Variants in ARHGAP22 observed in about 807,000 individuals in gnomAD.
ARHGAP22 encodes rho GTPase-activating protein 22.
Under a neutral mutation model 59.1 loss-of-function variants are expected in ARHGAP22, and 48 were observed. The observed-to-expected ratio is 0.81, with a 90% CI of 0.64 to 1.03. The LOEUF (loss-of-function observed/expected upper bound fraction) is 1.03. Among genes scored for constraint, ARHGAP22 ranks in the 50% least tolerant of loss-of-function variants. ARHGAP22 has a pLI of 0.00. For missense variants in ARHGAP22, 1,015 were observed against 958.7 expected (o/e 1.06, Z -0.78); for synonymous variants, 445 against 416.4 (o/e 1.07, Z -0.84).
intron 8 of ARHGAP22, 48 bp from the exon 9 acceptor site, chr10:48,451,188 C>G (rs1286926712): frequency 1.3e-6 from 2 of 1,549,840 alleles, no homozygotes; most frequent in South Asian, 2.4e-5. Context: ...GCCACTCGGC[C>G]CAGGCTCGCT....
chr10:48,455,156 G>A, intron 5 of ARHGAP22, 22 bp from the exon 6 acceptor site: 1 of 1,588,580 alleles, frequency 6.3e-7, no homozygotes, highest in Non-Finnish European at 8.6e-7. Context: ...AAGAGGACAG[G>A]TGTGTGAGGC....
chr10:48,469,884 C>T (rs1305880046), intron 4 of ARHGAP22, among the ~76,000 whole-genome samples: 2 of 152,234 alleles, frequency 1.3e-5, no homozygotes, highest in Admixed American at 6.5e-5. Flanking sequence ...CTACAGCAGG[C>T]AGCCAGCACC....
intron 3 of ARHGAP22, among the ~76,000 whole-genome samples, chr10:48,501,184 T>C (rs552445592): frequency 2.6e-5 from 4 of 152,246 alleles, no homozygotes; most frequent in Admixed American, 6.5e-5. Context: ...TGTTTGAATA[T>C]GTACAAAGTA....
intron 2 of ARHGAP22, among the ~76,000 whole-genome samples, chr10:48,561,628 C>T (rs2057692476): frequency 6.6e-6 from 1 of 152,026 alleles, no homozygotes. Context: ...AAAATACCAT[C>T]AAAATTCTAT....
intron 1 of ARHGAP22, among the ~76,000 whole-genome samples, chr10:48,643,860 A>T (rs1244717478): frequency 1.3e-5 from 2 of 152,146 alleles, no homozygotes; most frequent in African/African-American, 4.8e-5. Context: ...GAAAAGAAAC[A>T]TTCTGGGCCA....
intron 1 of ARHGAP22, among the ~76,000 whole-genome samples, chr10:48,612,750 A>C (rs1237597016): frequency 2.6e-5 from 4 of 152,152 alleles, no homozygotes; most frequent in African/African-American, 9.7e-5. Flanking sequence ...ATTCTAACTG[A>C]TGCCCACATT....
At chr10:48,550,351 T>G (rs1012659067) in intron 3 of ARHGAP22, among the ~76,000 whole-genome samples, 2 of 152,246 alleles carry the variant, frequency 1.3e-5, no homozygotes, top group Non-Finnish European at 2.9e-5. Context: ...GTGTCTTTCT[T>G]ACTCCAAGGT....
intron 1 of ARHGAP22, among the ~76,000 whole-genome samples, chr10:48,619,311 A>G (rs944432930): frequency 6.6e-6 from 1 of 152,156 alleles, no homozygotes; most frequent in Non-Finnish European, 1.5e-5. Context: ...GTAAAATACC[A>G]ATGACATTCT....
intron 1 of ARHGAP22, among the ~76,000 whole-genome samples, chr10:48,636,560 A>G (rs1018999157): frequency 1.3e-5 from 2 of 152,126 alleles, no homozygotes; most frequent in African/African-American, 4.8e-5. Flanking sequence ...TGCTCCTTGT[A>G]CCACCTGCAC....
chr10:48,555,610 C>T (rs1043143799), intron 2 of ARHGAP22, 60 bp from the exon 3 acceptor site: 14 of 1,544,660 alleles, frequency 9.1e-6, no homozygotes, highest in Admixed American at 5.0e-5. Context: ...GGACTGCTGT[C>T]GTCAGGGTCC....
intron 1 of ARHGAP22, among the ~76,000 whole-genome samples, chr10:48,626,951 G>C (rs2061470918): frequency 6.6e-6 from 1 of 152,206 alleles, no homozygotes; most frequent in Non-Finnish European, 1.5e-5. Flanking sequence ...AGGAAGGAGA[G>C]AGGAACTGGA....
intron 3 of ARHGAP22, among the ~76,000 whole-genome samples, chr10:48,533,272 CT>C (rs2055038780): frequency 1.4e-5 from 2 of 143,666 alleles, no homozygotes; most frequent in Non-Finnish European, 3.1e-5. Flanking sequence ...ACATCTTTTT[CT>C]AGAGAAAAAG....
chr10:48,556,086 G>A (rs7085335), intron 2 of ARHGAP22, among the ~76,000 whole-genome samples: 23,271 of 152,168 alleles, frequency 0.15, 1,879 homozygotes, highest in Admixed American at 0.23. Context: ...TGGGGTGCAT[G>A]TGTATGCATG....
intron 4 of ARHGAP22, among the ~76,000 whole-genome samples, chr10:48,471,025 C>T (rs1225441552): frequency 2.6e-5 from 4 of 152,220 alleles, no homozygotes; most frequent in African/African-American, 4.8e-5. Context: ...GGTTGCATTT[C>T]ATCCCACCAG....
At chr10:48,588,898 C>G (rs2059589641) in intron 1 of ARHGAP22, among the ~76,000 whole-genome samples, 1 of 152,130 alleles carries the variant, frequency 6.6e-6, no homozygotes, top group Admixed American at 6.5e-5. Context: ...GTCCCTCCAC[C>G]CCGTGGAGGG....
intron 1 of ARHGAP22, among the ~76,000 whole-genome samples, chr10:48,614,257 A>G (rs532591847): frequency 6.6e-6 from 1 of 152,390 alleles, no homozygotes; most frequent in African/African-American, 2.4e-5. Context: ...TCACTCTGTC[A>G]AATGCTGATG....
intron 3 of ARHGAP22, among the ~76,000 whole-genome samples, chr10:48,543,897 C>T (rs551940642): frequency 7.8e-4 from 118 of 152,040 alleles, no homozygotes; most frequent in Admixed American, 2.0e-3. Flanking sequence ...CAAGGTGGGC[C>T]GATTGCCTGA....
At chr10:48,440,704 A>T in the ARHGAP22 span, among the ~76,000 whole-genome samples, 1 of 152,164 alleles carries the variant, frequency 6.6e-6, no homozygotes, top group Non-Finnish European at 1.5e-5. Context: ...AAATATCAAG[A>T]ATTGCCTTTA....
At chr10:48,655,039 T>TTTCA (rs1565069837), upstream of ARHGAP22, among the ~76,000 whole-genome samples, 2 of 58,740 alleles carry the variant, frequency 3.4e-5, no homozygotes, top group African/African-American at 1.3e-4. Flanking sequence ...TCATTCTTTC[T>TTTCA]TTCTTTCTTT....
Sources: gnomAD v4.1 joint callset for allele counts (sites outside exome capture counted in the v4.1 genomes callset) on GRCh38, gnomAD v4.1.1 for gene constraint, MANE v1.5 for transcripts, NCBI Gene and HGNC (gene_info 2026-07-23, HGNC 2026-07-21) for gene names.